The following MED27 variants were observed in gnomAD, a reference collection of about 807,000 sequenced individuals.
MED27 encodes the protein mediator of RNA polymerase II transcription subunit 27.
MED27 carries 30 observed loss-of-function variants against 38.2 expected under a neutral mutation model. The ratio of observed to expected loss-of-function variants is 0.79; its 90% confidence interval spans 0.59 to 1.07. The LOEUF (loss-of-function observed/expected upper bound fraction) is 1.07. Among genes scored for constraint, MED27 ranks in the 50% least tolerant of loss-of-function variants. The pLI, the probability that MED27 is intolerant of heterozygous loss-of-function variation, is 0.00. For synonymous variants in MED27, 122 were observed against 153.5 expected (o/e 0.79, Z 1.52); for missense variants, 289 against 397.5 (o/e 0.73, Z 2.32).
intron 2 of MED27, among the ~76,000 whole-genome samples, chr9:132,034,547 C>G (rs546675659): frequency 6.6e-6 from 1 of 152,334 alleles, no homozygotes; most frequent in African/African-American, 2.4e-5. Context: ...GTACATCTCA[C>G]TTTTAGGTCG....
intron 3 of MED27, among the ~76,000 whole-genome samples, chr9:131,946,154 T>C (rs889163527): frequency 5.3e-5 from 8 of 152,196 alleles, no homozygotes; most frequent in African/African-American, 1.2e-4. Flanking sequence ...CATCCACTAA[T>C]AGACAGTTAA....
At chr9:131,965,852 G>C (rs575851916) in intron 3 of MED27, among the ~76,000 whole-genome samples, 1 of 151,882 alleles carries the variant, frequency 6.6e-6, no homozygotes, top group South Asian at 2.1e-4. Context: ...ACTAACTTTA[G>C]ACCTGTATCA....
chr9:132,048,124 G>C (rs1278095798), intron 2 of MED27, among the ~76,000 whole-genome samples: 1 of 152,108 alleles, frequency 6.6e-6, no homozygotes. Context: ...TTCAGGCTGG[G>C]ATAATGAGCA....
chr9:132,054,085 T>C (rs1034886182), intron 2 of MED27, among the ~76,000 whole-genome samples: 5 of 152,008 alleles, frequency 3.3e-5, no homozygotes, highest in East Asian at 1.9e-4. Flanking sequence ...CTCAAGAAGG[T>C]AGCATGCTGA....
chr9:131,990,601 T>G (rs1269780059), intron 3 of MED27, among the ~76,000 whole-genome samples: 1 of 152,234 alleles, frequency 6.6e-6, no homozygotes, highest in Non-Finnish European at 1.5e-5. Flanking sequence ...CTTTTGGACC[T>G]GTGGGTTGCT....
chr9:131,885,953 C>A (rs1839132683), intron 5 of MED27, among the ~76,000 whole-genome samples: 1 of 152,102 alleles, frequency 6.6e-6, no homozygotes, highest in East Asian at 1.9e-4. Flanking sequence ...GGCCAGCGGT[C>A]AGGTAGAGCC....
At chr9:131,931,551 CAA>C (rs940015562) in intron 4 of MED27, among the ~76,000 whole-genome samples, 2 of 152,096 alleles carry the variant, frequency 1.3e-5, no homozygotes, top group Non-Finnish European at 1.5e-5. Context: ...ACTCTCCAAT[CAA>C]AAGACACAGA....
chr9:131,897,750 A>G (rs1829858620), intron 4 of MED27, among the ~76,000 whole-genome samples: 1 of 152,196 alleles, frequency 6.6e-6, no homozygotes, highest in South Asian at 2.1e-4. Context: ...ATATGTTTTT[A>G]AATCTTCCAT....
intron 2 of MED27, among the ~76,000 whole-genome samples, chr9:132,047,728 TAC>T (rs1428212854): frequency 1.3e-5 from 2 of 152,224 alleles, no homozygotes; most frequent in East Asian, 1.9e-4. Context: ...TGGAATATTA[TAC>T]AGTTTTTAAA....
In MED27 at chr9:131,910,631, G is replaced by A. The variant is rs1165215547; in HGVS notation, c.574-16639C>T. On this transcript the variant is annotated intron_variant, in intron 4 of 7. Coordinates refer to ENST00000292035, the MANE Select transcript of MED27 (RefSeq NM_004269.4). ...CATCCTAGGGAATCCTCACGGATTT[G>A]AAGTGCAGATGTCCTGCTATGCAGG... Among the ~76,000 whole-genome samples, 4 of 152,174 alleles carry A rather than the reference G, an allele frequency of 2.6e-5. No homozygotes were observed. The East Asian group carries it at 7.7e-4, about 29-fold the overall frequency.
chr9:132,079,003 C>G (rs1477220201), intron 1 of MED27, among the ~76,000 whole-genome samples: 2 of 152,132 alleles, frequency 1.3e-5, no homozygotes, highest in East Asian at 1.9e-4. Flanking sequence ...GAAGCAGGGG[C>G]GTTAAGCATA....
rs552439020 is a variant in MED27, at chr9:132,007,985, A to C, written c.479+6352T>G. On this transcript the variant is annotated intron_variant, in intron 3 of 7. Coordinates refer to ENST00000292035, the MANE Select transcript of MED27 (RefSeq NM_004269.4). Reference sequence around the variant, plus strand: ...CATGGAGGTAATAGTTTTCAATGTAAGCTTTCTGAAAAACTATTTGTTTTC... The same window carrying C: ...CATGGAGGTAATAGTTTTCAATGTACGCTTTCTGAAAAACTATTTGTTTTC... Among the ~76,000 whole-genome samples the C allele has an allele frequency of 5.9e-5, 9 of 152,280 alleles. 1 individual carries two copies. Among genetic ancestry groups the C allele is most frequent in the African/African-American group, 2.2e-4 (9 of 41,554 alleles).
In MED27 at chr9:131,917,776, C is replaced by T. The variant is rs1830321572; in HGVS notation, c.573+21605G>A. Among the ~76,000 whole-genome samples, 1 of 152,102 alleles carries T rather than the reference C, an allele frequency of 6.6e-6. No homozygotes were observed. The highest frequency in any genetic ancestry group is 1.9e-4 in the East Asian group (1 of 5,196). On this transcript the variant is annotated intron_variant, in intron 4 of 7. Transcript: ENST00000292035. This position sits in a 1 kb window ranked among gnomAD's most constrained non-coding sequence, Gnocchi z 4.6. Reference sequence around the variant, plus strand: ...AAAATGTTAAATTGGAGACAAGTTGCAAGGGATCCAAAGGGTGTAGGATAA... The same window carrying T: ...AAAATGTTAAATTGGAGACAAGTTGTAAGGGATCCAAAGGGTGTAGGATAA...
In MED27 at chr9:131,864,771, G is replaced by A. The variant is rs141116131; in HGVS notation, c.724-1631C>T. On this transcript the variant is annotated intron_variant, in intron 6 of 7. Coordinates refer to ENST00000292035, the MANE Select transcript of MED27 (RefSeq NM_004269.4). ...TCTGCAGCCAGGCAAGCCGGGGCCC[G>A]GCCCCTGGCCTCTTATGGGGGCCTC... Among the ~76,000 whole-genome samples the A allele has an allele frequency of 6.1e-4, 93 of 152,372 alleles. 2 individuals carry two copies. The East Asian group carries it at 0.016, about 27-fold the overall frequency.
chr9:131,987,615 T>C (rs1831883006), intron 3 of MED27, among the ~76,000 whole-genome samples: 1 of 152,248 alleles, frequency 6.6e-6, no homozygotes, highest in Non-Finnish European at 1.5e-5. Flanking sequence ...CTTTAAGGTA[T>C]TTCAAAGGCA....
intron 2 of MED27, 53 bp downstream of exon 2, chr9:132,077,389 A>G: frequency 6.5e-7 from 1 of 1,530,286 alleles, no homozygotes; most frequent in East Asian, 2.3e-5. Flanking sequence ...TGTATGGAAT[A>G]TAAGAAAACT....
intron 2 of MED27, among the ~76,000 whole-genome samples, chr9:132,027,147 C>A (rs912052795): frequency 2.6e-5 from 4 of 152,198 alleles, no homozygotes; most frequent in Admixed American, 1.3e-4. Context: ...TCTGAATCAA[C>A]GGAGTGAGGA....
chr9:131,863,310 CAG>C (rs1380467680), intron 6 of MED27, among the ~76,000 whole-genome samples, 170 bp from the exon 7 acceptor site: 3 of 152,158 alleles, frequency 2.0e-5, no homozygotes, highest in Non-Finnish European at 2.9e-5. Flanking sequence ...GTTGGGGACC[CAG>C]AGGGGGAGAA....
At chr9:131,975,608 G>A (rs948488714) in intron 3 of MED27, among the ~76,000 whole-genome samples, 4 of 152,150 alleles carry the variant, frequency 2.6e-5, no homozygotes, top group Admixed American at 2.0e-4. Context: ...TGCCATTAGC[G>A]CTGGGGGAGC....
Sources: allele counts gnomAD v4.1 joint callset (sites outside exome capture counted in the v4.1 genomes callset), GRCh38; gene constraint gnomAD v4.1.1; non-coding constraint Gnocchi (gnomAD v3.1); transcripts MANE v1.5; gene names NCBI Gene and HGNC (gene_info 2026-07-23, HGNC 2026-07-21).